CBR4: variants seen among roughly 807,000 people sequenced by gnomAD.
CBR4 encodes carbonyl reductase 4, also known as 3-oxoacyl-[acyl-carrier-protein] reductase.
CBR4 carries 22 observed loss-of-function variants against 21.0 expected under a neutral mutation model. That is an observed-to-expected ratio of 1.05 (90% confidence interval 0.75 to 1.50). The LOEUF is 1.50. Ranked by LOEUF, CBR4 falls within the 40% of genes most tolerant of loss-of-function variation. CBR4 has a pLI of 0.00. For missense variants in CBR4, 302 were observed against 286.3 expected (o/e 1.05, Z -0.40); for synonymous variants, 100 against 104.4 (o/e 0.96, Z 0.26).
At chr4:168,958,478 G>A (rs1763751527) in intron 2 of CBR4, among the ~76,000 whole-genome samples, 1 of 152,142 alleles carries the variant, frequency 6.6e-6, no homozygotes, top group South Asian at 2.1e-4. Context: ...TAATGAATAT[G>A]TGGATTGCTT....
chr4:168,927,610 C>T (rs945419027), intron 2 of CBR4: 4 of 228,246 alleles, frequency 1.8e-5, no homozygotes, highest in Middle Eastern at 1.3e-3. Flanking sequence ...TTCAAAGACA[C>T]CAAGATGTGG....
Position 168,988,823 on chromosome 4 carries a change from CTT to C in CBR4, c.*1325_*1326del, listed in dbSNP as rs1443055674. On this transcript the variant is annotated 3_prime_UTR_variant, in exon 5 of 5. Transcript: ENST00000306193. ...ATTTTTATTTAGAACACTGCTTTGA[CTT>C]TTGTTATTACTTTGTATTTATTAGT... is the stretch of plus-strand genomic sequence containing the variant. 1 of 952,960 alleles carries C rather than the reference CTT, an allele frequency of 1.0e-6. No homozygotes were observed. The highest frequency in any genetic ancestry group is 6.2e-5 in the Admixed American group (1 of 16,210). 59.0% of individuals were successfully genotyped at this position (952,960 alleles called of 1,614,324 possible).
chr4:169,007,013 A>G (rs41278615), intron 2 of CBR4, 122 bp from the exon 3 acceptor site: 78,629 of 691,818 alleles, frequency 0.11, 4,922 homozygotes, highest in Middle Eastern at 0.18. Context: ...TAGAATAGCT[A>G]GAATACCTAG....
intron 2 of CBR4, among the ~76,000 whole-genome samples, chr4:168,941,913 C>G (rs1007034312): frequency 2.0e-5 from 3 of 152,014 alleles, no homozygotes; most frequent in Non-Finnish European, 2.9e-5. Context: ...AATCATTCTA[C>G]TATAAAGACA....
At chr4:168,922,331 A>G (rs1761748248) in intron 2 of CBR4, among the ~76,000 whole-genome samples, 1 of 152,198 alleles carries the variant, frequency 6.6e-6, no homozygotes, top group African/African-American at 2.4e-5. Context: ...CTTAAGAGTT[A>G]GGTGTTGAGT....
At chr4:168,927,712 A>AAGAC (rs751207103) in intron 2 of CBR4, 1 of 224,266 alleles carries the variant, frequency 4.5e-6, no homozygotes, top group Non-Finnish European at 8.9e-6. Context: ...CATCTCGGTA[A>AAGAC]AGACTGCTTT....
At chr4:168,897,993 A>AT (rs1189303318) in intron 2 of CBR4, 1 of 149,942 alleles carries the variant, frequency 6.7e-6, no homozygotes, top group African/African-American at 2.5e-5. Flanking sequence ...TTCTTTTACT[A>AT]TTTTTTCTAT....
At chr4:168,906,835 A>G (rs1560899181) in intron 2 of CBR4, among the ~76,000 whole-genome samples, 1 of 152,150 alleles carries the variant, frequency 6.6e-6, no homozygotes, top group Admixed American at 6.6e-5. Context: ...CCAAAGCCCA[A>G]TATATAATGC....
intron 2 of CBR4, among the ~76,000 whole-genome samples, chr4:168,959,900 T>C (rs1189338803): frequency 6.6e-6 from 1 of 150,552 alleles, no homozygotes; most frequent in African/African-American, 2.4e-5. Flanking sequence ...CCTTCTGAAA[T>C]TTGTATTTGA....
chr4:168,978,532 AG>A (rs1413223970), intron 2 of CBR4, among the ~76,000 whole-genome samples: 2 of 152,228 alleles, frequency 1.3e-5, no homozygotes, highest in Non-Finnish European at 2.9e-5. Context: ...TCCCCCCTGC[AG>A]GAAAATGGTG....
At chr4:168,994,209 G>A (rs1392373359) in intron 4 of CBR4, among the ~76,000 whole-genome samples, 1 of 152,200 alleles carries the variant, frequency 6.6e-6, no homozygotes, top group African/African-American at 2.4e-5. Flanking sequence ...GGGATGGGCC[G>A]AAATAAAGGG....
At chr4:168,940,643 C>G (rs1330451815) in intron 2 of CBR4, among the ~76,000 whole-genome samples, 1 of 152,000 alleles carries the variant, frequency 6.6e-6, no homozygotes, top group Non-Finnish European at 1.5e-5. Context: ...AGACACTTCT[C>G]AAAAGAAGAC....
At chr4:168,969,272 G>C (rs1479330043) in intron 2 of CBR4, among the ~76,000 whole-genome samples, 1 of 152,116 alleles carries the variant, frequency 6.6e-6, no homozygotes, top group Non-Finnish European at 1.5e-5. Flanking sequence ...CAATTGATTA[G>C]GTCTGGATCA....
intron 2 of CBR4, among the ~76,000 whole-genome samples, chr4:168,906,397 A>T (rs1011457376): frequency 6.6e-6 from 1 of 152,206 alleles, no homozygotes; most frequent in Non-Finnish European, 1.5e-5. Flanking sequence ...GGACTGACTC[A>T]GTGCTCATGG....
intron 2 of CBR4, among the ~76,000 whole-genome samples, chr4:168,979,837 T>C (rs1178322321): frequency 1.3e-5 from 2 of 152,146 alleles, no homozygotes. Context: ...CCACTGCCAC[T>C]GCAATGGTAC....
At chr4:168,986,361 C>T (rs1764692037), downstream of CBR4, among the ~76,000 whole-genome samples, 1 of 152,178 alleles carries the variant, frequency 6.6e-6, no homozygotes, top group Non-Finnish European at 1.5e-5. Context: ...ACAATCCTTG[C>T]CTCAGAGAAG....
chr4:168,968,599 G>A (rs1442017589), intron 2 of CBR4, among the ~76,000 whole-genome samples: 2 of 152,188 alleles, frequency 1.3e-5, no homozygotes, highest in African/African-American at 4.8e-5. Flanking sequence ...TACCGTTTCT[G>A]GTATAGCAGC....
chr4:168,948,311 C>T (rs1176003773), intron 2 of CBR4, among the ~76,000 whole-genome samples: 1 of 152,176 alleles, frequency 6.6e-6, no homozygotes, highest in Non-Finnish European at 1.5e-5. Flanking sequence ...TTCTCCCACT[C>T]TGTGGGTTGT....
downstream of CBR4, among the ~76,000 whole-genome samples, chr4:168,986,177 G>A (rs115532789): frequency 9.7e-4 from 147 of 152,276 alleles, 1 homozygote; most frequent in African/African-American, 3.4e-3. Flanking sequence ...ATTAGATATT[G>A]TAAGTAATCT....
Sources: allele counts gnomAD v4.1 joint callset (sites outside exome capture counted in the v4.1 genomes callset), GRCh38; gene constraint gnomAD v4.1.1; transcripts MANE v1.5; gene names NCBI Gene and HGNC (gene_info 2026-07-23, HGNC 2026-07-21).